MED12L: variants seen among roughly 807,000 people sequenced by gnomAD.
MED12L encodes mediator of RNA polymerase II transcription subunit 12-like protein.
A neutral mutation model predicts 281.3 loss-of-function variants in MED12L; 60 were observed. The ratio of observed to expected loss-of-function variants is 0.21; its 90% CI spans 0.17 to 0.26. The LOEUF is 0.26. Ranked by LOEUF, MED12L falls within the 10% of genes least tolerant of loss-of-function variation. The pLI, the probability that MED12L is intolerant of heterozygous loss-of-function variation, is 1.00. For missense variants in MED12L, 2,146 were observed against 2,680.9 expected (o/e 0.80, Z 4.41); for synonymous variants, 974 against 987.2 (o/e 0.99, Z 0.25).
chr3:151,300,799 G>A (rs1251677928), intron 16 of MED12L, among the ~76,000 whole-genome samples: 8 of 152,200 alleles, frequency 5.3e-5, no homozygotes, highest in Non-Finnish European at 1.2e-4. Context: ...CTGCATATGT[G>A]CTGAGATAGC....
Position 151,385,017 on chromosome 3 carries a change from C to A in MED12L, c.4927-13C>A. 7.5e-7 allele frequency: 1 copy of A among 1,324,544 alleles called. No individual in the cohort carries two copies. The highest frequency in any genetic ancestry group is 1.2e-5 in the South Asian group (1 of 82,948). The allele number at this position is 1,324,544 out of a possible 1,614,324, so 82.0% of individuals were successfully genotyped here. A position where few individuals can be genotyped will look rare whatever the true frequency, so the allele number is the denominator to read the frequency against. On this transcript the variant is annotated splice_polypyrimidine_tract_variant and intron_variant, in intron 35 of 44. Transcript: ENST00000687756. ...CCCACTTCTCACTCTCTCTCTCTCTCTTTTTTCTTTAGAAAGAGCTAGGAG... is the reference window on the plus strand; with the variant it reads ...CCCACTTCTCACTCTCTCTCTCTCTATTTTTTCTTTAGAAAGAGCTAGGAG...
At chr3:151,398,411 A>G (rs889202370) in intron 39 of MED12L, among the ~76,000 whole-genome samples, 1 of 152,210 alleles carries the variant, frequency 6.6e-6, no homozygotes, top group Non-Finnish European at 1.5e-5. Flanking sequence ...CTAGAATTCC[A>G]TAAAATAACC....
chr3:151,128,249 T>G (rs1464491499), intron 5 of MED12L, among the ~76,000 whole-genome samples: 1 of 152,178 alleles, frequency 6.6e-6, no homozygotes, highest in Non-Finnish European at 1.5e-5. Flanking sequence ...AAATGCTGGT[T>G]CAAGCCACCG....
chr3:151,319,468 C>CGTGT (rs34335179), intron 16 of MED12L, among the ~76,000 whole-genome samples: 21,997 of 145,502 alleles, frequency 0.15, 1,883 homozygotes, highest in Non-Finnish European at 0.2. Context: ...TGTGTGTGTG[C>CGTGT]GTGTGTGTGT....
In MED12L at chr3:151,355,998, C is replaced by T. The variant is rs1249516888; in HGVS notation, c.2620C>T (p.Pro874Ser). The change falls in exon 19 of 45, where the codon CCA becomes TCA. Residue 874 changes from proline to serine, a missense_variant. Coordinates refer to ENST00000687756, the MANE Select transcript of MED12L (RefSeq NM_001393769.1). The stretch of plus-strand genomic sequence containing the variant: ...TCAGCTCATCTTTGATCTCATGGAG[C>T]CAGCACTGAACATCAACGGACTAAT... ...HIQLIFDLME[P>S]ALNINGLIDF... The T allele has an allele frequency of 1.2e-6, 2 of 1,613,986 alleles. No individual in the cohort carries two copies. Among genetic ancestry groups the T allele is most frequent in the Admixed American group, 1.7e-5 (1 of 59,944 alleles).
At chr3:151,265,511 T>C (rs1404077099) in intron 16 of MED12L, among the ~76,000 whole-genome samples, 1 of 152,192 alleles carries the variant, frequency 6.6e-6, no homozygotes. Flanking sequence ...CACTTGCCGG[T>C]CACTGCCATC....
chr3:151,146,598 G>T (rs907657579), intron 5 of MED12L, among the ~76,000 whole-genome samples: 2 of 151,978 alleles, frequency 1.3e-5, no homozygotes, highest in Non-Finnish European at 2.9e-5. Flanking sequence ...TACTTTGCAC[G>T]GTGTCATTGC....
At chr3:151,278,776 G>A (rs571487224) in intron 16 of MED12L, among the ~76,000 whole-genome samples, 1 of 152,146 alleles carries the variant, frequency 6.6e-6, no homozygotes, top group Non-Finnish European at 1.5e-5. Context: ...ACAGTATAAC[G>A]TGCAGAGATG....
chr3:151,136,809 G>A (rs1353750835), intron 5 of MED12L, among the ~76,000 whole-genome samples: 1 of 152,056 alleles, frequency 6.6e-6, no homozygotes, highest in African/African-American at 2.4e-5. Context: ...TTTCAATTTT[G>A]GGAGTAGAAA....
At position 151,141,178 on chromosome 3, in the gene MED12L, G is replaced by GTTTGTTTGTTTTTTT. The variant is rs1553808456; in HGVS notation, c.556+13197_556+13198insGTTTGTTTTTTTTTT. Among the ~76,000 whole-genome samples the GTTTGTTTGTTTTTTT allele has an allele frequency of 3.3e-4, 34 of 102,232 alleles. 1 individual carries two copies. The highest frequency in any genetic ancestry group is 1.2e-3 in the African/African-American group (29 of 23,408). The allele number at this position is 102,232 out of a possible 152,430, so 67.1% of individuals were successfully genotyped here. A position where few individuals can be genotyped will look rare whatever the true frequency, so the allele number is the denominator to read the frequency against. ...CACCGTGCCTGGCGTTTTTTTTTTT[G>GTTTGTTTGTTTTTTT]TTTTTTTTGTTTTTTTTTTTTTGTT... On this transcript the variant is annotated intron_variant, in intron 5 of 44. Coordinates refer to ENST00000687756, the MANE Select transcript of MED12L (RefSeq NM_001393769.1).
chr3:151,369,307 A>G (rs1755887167), intron 25 of MED12L, 129 bp from the exon 26 acceptor site: 8 of 545,642 alleles, frequency 1.5e-5, no homozygotes, highest in Non-Finnish European at 1.7e-5. Context: ...TCCATGAAGC[A>G]TCAATTAAAG....
At chr3:151,337,612 G>T (rs1328386199) in intron 16 of MED12L, 1 of 571,614 alleles carries the variant, frequency 1.7e-6, no homozygotes, top group Admixed American at 3.4e-5. Context: ...TGCTAATACA[G>T]CTACAGTTTA....
intron 16 of MED12L, among the ~76,000 whole-genome samples, chr3:151,260,590 A>G (rs1577157521): frequency 6.6e-6 from 1 of 152,170 alleles, no homozygotes; most frequent in East Asian, 1.9e-4. Flanking sequence ...AACTCAAGTG[A>G]TCCTCCTGCC....
intron 16 of MED12L, among the ~76,000 whole-genome samples, chr3:151,342,803 T>C (rs1396253233): frequency 6.6e-6 from 1 of 152,196 alleles, no homozygotes; most frequent in African/African-American, 2.4e-5. Flanking sequence ...AGTCTCAAAA[T>C]TTTAAAAAGA....
Position 151,295,164 on chromosome 3 carries a change from C to T in MED12L, c.2251-54895C>T, listed in dbSNP as rs773321339. The T allele has an allele frequency of 2.7e-5, 43 of 1,612,614 alleles. No homozygotes were observed. Among genetic ancestry groups the T allele is most frequent in the East Asian group, 6.7e-5 (3 of 44,882 alleles). Reference sequence around the variant, plus strand: ...AGGGTGGTGTTCTTTCCTGGCCCGTCGCTCCTGTTGCCTGAATTGTGACTC... The same window carrying T: ...AGGGTGGTGTTCTTTCCTGGCCCGTTGCTCCTGTTGCCTGAATTGTGACTC... On this transcript the variant is annotated intron_variant, in intron 16 of 44. Coordinates refer to ENST00000687756, the MANE Select transcript of MED12L (RefSeq NM_001393769.1).
At chr3:151,333,053 A>G (rs1191634494) in intron 16 of MED12L, among the ~76,000 whole-genome samples, 7 of 152,104 alleles carry the variant, frequency 4.6e-5, no homozygotes, top group Admixed American at 2.6e-4. Flanking sequence ...AGCTTCATCC[A>G]TGTTGTTGCA....
intron 16 of MED12L, among the ~76,000 whole-genome samples, chr3:151,230,780 A>T (rs1731511747): frequency 6.6e-6 from 1 of 152,200 alleles, no homozygotes; most frequent in Non-Finnish European, 1.5e-5. Context: ...AAACTTGCTC[A>T]AGCCATTTTT....
intron 16 of MED12L, among the ~76,000 whole-genome samples, chr3:151,278,758 G>C (rs1742323109): frequency 6.6e-6 from 1 of 152,182 alleles, no homozygotes; most frequent in East Asian, 1.9e-4. Context: ...AAAATTGTCA[G>C]CAGCTTCACA....
intron 39 of MED12L, among the ~76,000 whole-genome samples, chr3:151,395,984 C>T (rs1325846888): frequency 1.3e-5 from 2 of 152,104 alleles, no homozygotes; most frequent in Non-Finnish European, 2.9e-5. Context: ...GAGAAGAAAC[C>T]AATTGAACTG....
Sources: allele counts gnomAD v4.1 joint callset (sites outside exome capture counted in the v4.1 genomes callset), GRCh38; gene constraint gnomAD v4.1.1; transcripts MANE v1.5; gene names NCBI Gene and HGNC (gene_info 2026-07-23, HGNC 2026-07-21).